ASIC2: variants seen among roughly 807,000 people sequenced by gnomAD.
The protein encoded by ASIC2 is acid-sensing ion channel 2.
A neutral mutation model predicts 57.3 loss-of-function variants in ASIC2; 25 were observed. The ratio of observed to expected loss-of-function variants is 0.44; its 90% CI spans 0.32 to 0.61. The LOEUF (loss-of-function observed/expected upper bound fraction) is 0.61, where lower values mean the gene tolerates loss of function less well. ASIC2 is among the 20% of genes least tolerant of loss of function. ASIC2 has a pLI of 0.06. For synonymous variants in ASIC2, 319 were observed against 307.5 expected (o/e 1.04, Z -0.39); for missense variants, 641 against 738.1 (o/e 0.87, Z 1.52).
chr17:33,607,419 C>T (rs1905257569), intron 1 of ASIC2, among the ~76,000 whole-genome samples: 1 of 152,162 alleles, frequency 6.6e-6, no homozygotes, highest in Non-Finnish European at 1.5e-5. Context: ...GGCCCCCTCC[C>T]ACACTCCCTG....
chr17:33,753,512 A>T (rs534959564), intron 1 of ASIC2, among the ~76,000 whole-genome samples: 3 of 152,368 alleles, frequency 2.0e-5, no homozygotes, highest in African/African-American at 7.2e-5. Context: ...ATTAAATTTA[A>T]AGGAGTTTAA....
At chr17:33,777,294 A>AT (rs1468439798) in intron 1 of ASIC2, among the ~76,000 whole-genome samples, 3 of 152,272 alleles carry the variant, frequency 2.0e-5, no homozygotes, top group Non-Finnish European at 2.9e-5. Flanking sequence ...GAAAAAGAGC[A>AT]TGTGTATAAG....
At chr17:33,736,492 A>T (rs546085477) in intron 1 of ASIC2, among the ~76,000 whole-genome samples, 1 of 152,178 alleles carries the variant, frequency 6.6e-6, no homozygotes, top group Non-Finnish European at 1.5e-5. Context: ...CCGCCAGCCT[A>T]TGGAGACCGT....
chr17:33,205,099 C>T (rs548898558), intron 1 of ASIC2, among the ~76,000 whole-genome samples: 133 of 152,370 alleles, frequency 8.7e-4, no homozygotes, highest in Non-Finnish European at 1.6e-3. Flanking sequence ...GATCACCATG[C>T]AGTAGCCTCT....
intron 1 of ASIC2, among the ~76,000 whole-genome samples, chr17:33,867,053 A>T (rs1357750156): frequency 1.3e-5 from 2 of 152,220 alleles, no homozygotes; most frequent in African/African-American, 4.8e-5. Flanking sequence ...GCAGACGTTG[A>T]TTATCCAACC....
At chr17:33,099,758 T>C (rs1324727704) in intron 2 of ASIC2, among the ~76,000 whole-genome samples, 2 of 152,162 alleles carry the variant, frequency 1.3e-5, no homozygotes, top group Non-Finnish European at 2.9e-5. Context: ...ATAGGGAAAG[T>C]TGGTGGATGA....
At chr17:34,107,610 A>G (rs924101866) in intron 1 of ASIC2, among the ~76,000 whole-genome samples, 2 of 152,210 alleles carry the variant, frequency 1.3e-5, no homozygotes, top group African/African-American at 2.4e-5. Context: ...TGATAGGCAA[A>G]CCTACTAAAA....
At chr17:33,579,934 A>G (rs1407823976) in intron 1 of ASIC2, 1 of 149,662 alleles carries the variant, frequency 6.7e-6, no homozygotes, top group African/African-American at 2.4e-5. Flanking sequence ...TGATTGGTCC[A>G]TTTTTCAGAA....
intron 1 of ASIC2, among the ~76,000 whole-genome samples, chr17:33,367,051 G>A (rs1451798951): frequency 1.3e-5 from 2 of 152,252 alleles, no homozygotes; most frequent in Non-Finnish European, 2.9e-5. Context: ...GACAAAGGGT[G>A]TGTACCAGGC....
chr17:33,936,456 A>G (rs1475787363), intron 1 of ASIC2: 1 of 152,228 alleles, frequency 6.6e-6, no homozygotes, highest in African/African-American at 2.4e-5. Context: ...GAGGCAGCCA[A>G]GCTGAGGTCG....
intron 1 of ASIC2, among the ~76,000 whole-genome samples, chr17:33,897,508 C>T (rs1214421773): frequency 1.3e-5 from 2 of 152,214 alleles, no homozygotes; most frequent in African/African-American, 4.8e-5. Flanking sequence ...TGAAATATAT[C>T]TTTATCCAGA....
intron 1 of ASIC2, chr17:34,039,190 A>G: frequency 6.8e-6 from 11 of 1,613,874 alleles, no homozygotes; most frequent in Non-Finnish European, 9.3e-6. Flanking sequence ...CTTCTTCTCT[A>G]AGTCAGAATT....
At chr17:33,017,815 G>A in intron 7 of ASIC2, 131 bp from the exon 8 acceptor site, 1 of 773,048 alleles carries the variant, frequency 1.3e-6, no homozygotes, top group East Asian at 2.6e-5. Flanking sequence ...GTTGTGGGAG[G>A]TCCAGGCCTT....
At chr17:33,663,638 A>G (rs1268130550) in intron 1 of ASIC2, among the ~76,000 whole-genome samples, 1 of 152,116 alleles carries the variant, frequency 6.6e-6, no homozygotes, top group Non-Finnish European at 1.5e-5. Context: ...GTTGAACTGT[A>G]TGTAAGTACC....
chr17:33,726,044 T>A (rs1909550048), intron 1 of ASIC2, among the ~76,000 whole-genome samples: 1 of 152,112 alleles, frequency 6.6e-6, no homozygotes, highest in African/African-American at 2.4e-5. Flanking sequence ...CTCTCAAGAC[T>A]CTCACCTTTC....
intron 1 of ASIC2, among the ~76,000 whole-genome samples, chr17:33,550,898 C>T (rs904330203): frequency 2.0e-5 from 3 of 152,030 alleles, no homozygotes; most frequent in Non-Finnish European, 4.4e-5. Flanking sequence ...TAGGAAACAG[C>T]TTTTGTGTGA....
intron 1 of ASIC2, among the ~76,000 whole-genome samples, chr17:34,054,359 T>C (rs1908683072): frequency 1.3e-5 from 2 of 152,336 alleles, no homozygotes; most frequent in East Asian, 1.9e-4. Flanking sequence ...GAGGCTGTTA[T>C]TTGTCCAGAG....
chr17:33,254,570 G>A (rs1908993197), intron 1 of ASIC2, among the ~76,000 whole-genome samples: 1 of 151,942 alleles, frequency 6.6e-6, no homozygotes, highest in African/African-American at 2.4e-5. Flanking sequence ...CCCATAGCCT[G>A]GTAGACCTAT....
intron 1 of ASIC2, among the ~76,000 whole-genome samples, chr17:33,349,300 T>C (rs567961019): frequency 6.6e-6 from 1 of 152,194 alleles, no homozygotes; most frequent in African/African-American, 2.4e-5. Flanking sequence ...AAAACATGTG[T>C]GAGGGTTGAA....
Sources: allele counts gnomAD v4.1 joint callset (sites outside exome capture counted in the v4.1 genomes callset), GRCh38; gene constraint gnomAD v4.1.1; transcripts MANE v1.5; gene names NCBI Gene and HGNC (gene_info 2026-07-23, HGNC 2026-07-21).